Variants in HEATR5A observed in about 807,000 individuals in gnomAD.
HEATR5A encodes the protein HEAT repeat containing 5A.
HEATR5A carries 178 observed loss-of-function variants against 218.8 expected under a neutral mutation model. The observed-to-expected ratio is 0.81, with a 90% CI of 0.72 to 0.92. The LOEUF is 0.92. HEATR5A is among the 40% of genes least tolerant of loss of function. The pLI, the probability that HEATR5A is intolerant of heterozygous loss-of-function variation, is 0.00. For synonymous variants in HEATR5A, 864 were observed against 871.6 expected (o/e 0.99, Z 0.15); for missense variants, 2,420 against 2,418.9 (o/e 1.00, Z -0.01).
intron 4 of HEATR5A, among the ~76,000 whole-genome samples, chr14:31,397,373 T>G (rs998586180): frequency 2.0e-5 from 3 of 152,072 alleles, no homozygotes; most frequent in Admixed American, 2.0e-4. Context: ...AGACACGGTC[T>G]TGGGCCGGGC....
At chr14:31,371,930 T>C (rs1318164475) in intron 12 of HEATR5A, 21 bp from the exon 13 acceptor site, 1 of 1,255,134 alleles carries the variant, frequency 8.0e-7, no homozygotes, top group Admixed American at 2.2e-5. Context: ...AAACAGACTT[T>C]TACTTGGGCA....
At chr14:31,415,954 CT>C (rs2031430402) in intron 1 of HEATR5A, among the ~76,000 whole-genome samples, 1 of 150,132 alleles carries the variant, frequency 6.7e-6, no homozygotes, top group African/African-American at 2.4e-5. Flanking sequence ...TTTTTTTTTC[CT>C]TTTCTTTTTT....
chr14:31,351,807 A>G (rs1360576017), intron 16 of HEATR5A, among the ~76,000 whole-genome samples: 1 of 151,062 alleles, frequency 6.6e-6, no homozygotes, highest in Non-Finnish European at 1.5e-5. Flanking sequence ...AAGAGATGAT[A>G]TCTCACTATG....
intron 22 of HEATR5A, among the ~76,000 whole-genome samples, chr14:31,330,378 C>G (rs911148260): frequency 1.3e-5 from 2 of 152,174 alleles, no homozygotes; most frequent in African/African-American, 4.8e-5. Flanking sequence ...GCACAGAGCA[C>G]GGGGACCCTG....
chr14:31,374,779 C>A, intron 12 of HEATR5A, 37 bp downstream of exon 12: 3 of 1,566,936 alleles, frequency 1.9e-6, no homozygotes, highest in African/African-American at 1.4e-5. Context: ...GGTAAAAAGC[C>A]AAAGGAAAGG....
At chr14:31,415,952 TC>T (rs1468791208) in intron 1 of HEATR5A, among the ~76,000 whole-genome samples, 3 of 151,918 alleles carry the variant, frequency 2.0e-5, no homozygotes, top group African/African-American at 7.2e-5. Context: ...TTTTTTTTTT[TC>T]CTTTTCTTTT....
Position 31,358,920 on chromosome 14 carries a change from T to A in HEATR5A, c.2209A>T (p.Thr737Ser). ...TGTTCTTCAATAAATCTATGGTCAG[T>A]CTCTTGTAGGAAAGGACTTAGTATC... The part of the protein sequence containing the change: ...LLILSPFLQE[T>S]DHRFIEEQLL... Residue 737 changes from threonine to serine, a missense_variant, in exon 15 of 36, where the codon ACT becomes TCT. Physicochemically the swap from Thr to Ser is moderately conservative, Grantham distance 58. Transcript: ENST00000543095. 1 of 1,595,254 alleles carries A rather than the reference T, an allele frequency of 6.3e-7. No individual in the cohort carries two copies. Among genetic ancestry groups the A allele is most frequent in the Non-Finnish European group, 8.5e-7 (1 of 1,174,882 alleles).
At chr14:31,309,234 C>A (rs1899655558) in intron 28 of HEATR5A, 52 bp from the exon 29 acceptor site, 2 of 1,577,916 alleles carry the variant, frequency 1.3e-6, no homozygotes, top group South Asian at 1.2e-5. Context: ...AATATATTTT[C>A]TCTTTTTTCT....
intron 1 of HEATR5A, among the ~76,000 whole-genome samples, chr14:31,414,308 T>C (rs140386184): frequency 1.3e-5 from 2 of 152,282 alleles, no homozygotes; most frequent in East Asian, 3.9e-4. Context: ...ACAAAGTCTA[T>C]AGAGCAATTG....
intron 1 of HEATR5A, among the ~76,000 whole-genome samples, chr14:31,414,599 C>G (rs2031386369): frequency 6.6e-6 from 1 of 152,160 alleles, no homozygotes; most frequent in Non-Finnish European, 1.5e-5. Flanking sequence ...ACAGGAGAGG[C>G]CAGAAATTCT....
rs753055574 is a variant in HEATR5A, at chr14:31,304,971, C to T, written c.5173G>A (p.Gly1725Arg). 1 of 1,613,960 alleles carries T rather than the reference C, an allele frequency of 6.2e-7. No homozygotes were observed. The highest frequency in any genetic ancestry group is 8.5e-7 in the Non-Finnish European group (1 of 1,179,882). ...AATGCAGCTGAAACCAATCTACTTC[C>T]ATCTTCTAATAGTATCTGTGGCTTC... ...ATKPQILLED[G>R]SRLVSAALVI... The change falls in exon 32 of 36, where the codon GGA (glycine) becomes AGA (arginine). Residue 1725 changes from glycine (G) to arginine (R), a missense_variant. Transcript: ENST00000543095.
chr14:31,415,161 C>G (rs1350277735), intron 1 of HEATR5A, among the ~76,000 whole-genome samples: 1 of 152,128 alleles, frequency 6.6e-6, no homozygotes, highest in East Asian at 1.9e-4. Context: ...AATTCACAAC[C>G]TACCTCATAA....
chr14:31,378,795 AAC>A lies in HEATR5A; in HGVS notation c.1708+1670_1708+1671del, dbSNP rs1491076046. On this transcript the variant is annotated intron_variant, in intron 11 of 35. Coordinates refer to ENST00000543095, the MANE Select transcript of HEATR5A (RefSeq NM_015473.4). ...AAAGTGAGACTCCACCTCAAAAAAA[AAC>A]AAACAAAAAAAAAAAACACTACTTA... is the stretch of plus-strand genomic sequence containing the variant. 6.4e-5 allele frequency among the ~76,000 whole-genome samples: 9 copies of A among 140,598 alleles called. 2 individuals are homozygous for A. The highest frequency in any genetic ancestry group is 4.3e-4 in the East Asian group (2 of 4,696). The allele number at this position is 140,598 out of a possible 152,430, so 92.2% of individuals were successfully genotyped here. A position where few individuals can be genotyped will look rare whatever the true frequency, so the allele number is the denominator to read the frequency against.
intron 1 of HEATR5A, among the ~76,000 whole-genome samples, chr14:31,415,732 C>T (rs1039784531): frequency 2.6e-5 from 4 of 151,944 alleles, no homozygotes; most frequent in African/African-American, 4.8e-5. Context: ...TTACTTGTTT[C>T]GAGTAAGGTA....
At chr14:31,388,302 T>C (rs777917967) in intron 7 of HEATR5A, among the ~76,000 whole-genome samples, 6 of 151,970 alleles carry the variant, frequency 3.9e-5, no homozygotes, top group Non-Finnish European at 8.8e-5. Context: ...TAACGGTGTT[T>C]AGAAAAAAAA....
chr14:31,352,429 T>C (rs937945552), intron 16 of HEATR5A, among the ~76,000 whole-genome samples: 2 of 152,198 alleles, frequency 1.3e-5, no homozygotes, highest in Non-Finnish European at 2.9e-5. Flanking sequence ...CTGACCTTCA[T>C]GTACTTTCAA....
intron 14 of HEATR5A, 102 bp from the exon 15 acceptor site, chr14:31,359,159 T>C (rs1207947238): frequency 3.7e-6 from 4 of 1,094,756 alleles, no homozygotes; most frequent in Non-Finnish European, 5.3e-6. Flanking sequence ...CTGGCCAACT[T>C]TAACATATCA....
chr14:31,382,045 A>G (rs2030010926), intron 10 of HEATR5A, among the ~76,000 whole-genome samples: 1 of 152,220 alleles, frequency 6.6e-6, no homozygotes, highest in Non-Finnish European at 1.5e-5. Flanking sequence ...GTCAATGGAT[A>G]GCACTCAAAA....
At chr14:31,336,482 A>G (rs1453108917) in intron 22 of HEATR5A, among the ~76,000 whole-genome samples, 1 of 151,750 alleles carries the variant, frequency 6.6e-6, no homozygotes, top group Non-Finnish European at 1.5e-5. Flanking sequence ...GAGCCACCAT[A>G]CCTGGCCTAT....
Sources: allele counts gnomAD v4.1 joint callset (sites outside exome capture counted in the v4.1 genomes callset), GRCh38; gene constraint gnomAD v4.1.1; transcripts MANE v1.5; gene names NCBI Gene and HGNC (gene_info 2026-07-23, HGNC 2026-07-21).